The following NAALADL2 variants were observed in gnomAD, a reference collection of about 807,000 sequenced individuals.
NAALADL2 encodes the protein N-acetylated alpha-linked acidic dipeptidase like 2.
A neutral mutation model predicts 87.2 loss-of-function variants in NAALADL2; 76 were observed. That is an observed-to-expected ratio of 0.87 (90% confidence interval 0.72 to 1.05). The LOEUF (loss-of-function observed/expected upper bound fraction) is 1.05. Ranked by LOEUF, NAALADL2 falls within the 50% of genes least tolerant of loss-of-function variation. NAALADL2 has a pLI of 0.00. For synonymous variants in NAALADL2, 354 were observed against 331.0 expected, an observed-to-expected ratio of 1.07 and a Z score of -0.75; for missense variants, 1,089 against 945.8, an observed-to-expected ratio of 1.15 and a Z score of -1.99.
chr3:174,875,177 T>C (rs1233148526), intron 1 of NAALADL2, among the ~76,000 whole-genome samples: 2 of 146,902 alleles, frequency 1.4e-5, no homozygotes, highest in African/African-American at 5.0e-5. Context: ...TATAATTCAG[T>C]CATCCAATTT....
chr3:175,544,654 A>G (rs1315880287), intron 9 of NAALADL2, among the ~76,000 whole-genome samples: 4 of 152,058 alleles, frequency 2.6e-5, no homozygotes, highest in African/African-American at 9.7e-5. Flanking sequence ...GGATTTGGAT[A>G]TTTGCCTATT....
chr3:175,480,150 C>T (rs1256177852), intron 9 of NAALADL2, among the ~76,000 whole-genome samples: 2 of 151,584 alleles, frequency 1.3e-5, no homozygotes, highest in African/African-American at 2.4e-5. Flanking sequence ...TTCTAGGTGC[C>T]TCTGGTTTCT....
intron 1 of NAALADL2, among the ~76,000 whole-genome samples, chr3:175,024,055 C>G (rs1351932530): frequency 6.6e-6 from 1 of 151,956 alleles, no homozygotes; most frequent in South Asian, 2.1e-4. Flanking sequence ...TTAATTGGTA[C>G]ATCCTTCTAC....
At chr3:174,715,642 A>G (rs1399656666) in intron 2 of NAALADL2, among the ~76,000 whole-genome samples, 1 of 152,212 alleles carries the variant, frequency 6.6e-6, no homozygotes, top group African/African-American at 2.4e-5. Flanking sequence ...AATGCTGTTT[A>G]TAATTCAGGA....
At chr3:175,062,476 CTGTGTGTGTGTGTGTGTGTGTGTGTG>C (rs71792051) in intron 1 of NAALADL2, among the ~76,000 whole-genome samples, 20 of 131,484 alleles carry the variant, frequency 1.5e-4, no homozygotes, top group Non-Finnish European at 2.8e-4. Context: ...GGAAGTTTGG[CTGTGTGTGTGTGTGTGTGTGTGTGTG>C]TGTGTGTGTG....
chr3:174,899,623 G>A (rs55963347), intron 1 of NAALADL2, among the ~76,000 whole-genome samples: 15,392 of 152,072 alleles, frequency 0.1, 877 homozygotes, highest in African/African-American at 0.14. Flanking sequence ...TACTAGCATC[G>A]TGATTCCTGT....
intron 4 of NAALADL2, among the ~76,000 whole-genome samples, chr3:175,280,018 C>A (rs1754084702): frequency 7.2e-6 from 1 of 138,884 alleles, no homozygotes; most frequent in South Asian, 2.4e-4. Flanking sequence ...GTTGTCTTTT[C>A]CTTTCACTCC....
chr3:175,040,045 A>T (rs1308050777), intron 1 of NAALADL2, among the ~76,000 whole-genome samples: 1 of 152,194 alleles, frequency 6.6e-6, no homozygotes, highest in African/African-American at 2.4e-5. Flanking sequence ...ACACACACGC[A>T]TACACTCAAC....
rs1733261029 is a variant in NAALADL2 at position 175,667,235 on chromosome 3, GAAAGAAAAAGAAAGAAAGAAAGAAAGA to G, written c.1896+39852_1896+39878del. Among the ~76,000 whole-genome samples the G allele has an allele frequency of 7.6e-4, 86 of 112,638 alleles. 1 individual carries two copies. The highest frequency in any genetic ancestry group is 9.6e-3 in the Middle Eastern group (2 of 208). 73.9% of individuals were successfully genotyped at this position (112,638 alleles called of 152,430 possible). On this transcript the variant is annotated intron_variant, in intron 11 of 13. Coordinates refer to ENST00000454872, the MANE Select transcript of NAALADL2 (RefSeq NM_207015.3). ...AGAAAGAAAGAAAGAAAGAAAGAAA[GAAAGAAAAAGAAAGAAAGAAAGAAAGA>G]AAGGAAGGAAGGGATGGGGATCTGA...
rs1256205126 is a variant in NAALADL2, at chr3:174,477,368, C to T, written c.-184+36336C>T. On this transcript the variant is annotated intron_variant, in intron 1 of 3. Coordinates refer to the NAALADL2 transcript ENST00000434257. ...AGCATAAAACTGGATGGAATAAAAC[C>T]ACGTGGCAGAGGTAGGAAATGAAAA... Among the ~76,000 whole-genome samples the T allele has an allele frequency of 4.6e-5, 7 of 151,986 alleles. 1 individual carries two copies. In the East Asian group the frequency reaches 1.4e-3, roughly 29 times the overall value.
At chr3:175,301,454 A>G (rs896511133) in intron 4 of NAALADL2, among the ~76,000 whole-genome samples, 1 of 152,172 alleles carries the variant, frequency 6.6e-6, no homozygotes, top group Non-Finnish European at 1.5e-5. Context: ...TACTGCAAAA[A>G]CGCATGTAGC....
At chr3:175,695,873 G>A (rs917682664) in intron 11 of NAALADL2, among the ~76,000 whole-genome samples, 1 of 151,972 alleles carries the variant, frequency 6.6e-6, no homozygotes, top group African/African-American at 2.4e-5. Context: ...ATTAGCCTGG[G>A]CGTGCTTATT....
chr3:175,769,703 A>C (rs1380255920), intron 13 of NAALADL2, among the ~76,000 whole-genome samples: 1 of 150,710 alleles, frequency 6.6e-6, no homozygotes, highest in African/African-American at 2.5e-5. Context: ...GGACAATAGG[A>C]GATGGCATGT....
chr3:174,804,508 A>G (rs1184013665), intron 3 of NAALADL2, among the ~76,000 whole-genome samples: 1 of 152,130 alleles, frequency 6.6e-6, no homozygotes, highest in Admixed American at 6.5e-5. Context: ...GCTATGTTGA[A>G]TAGGAGTGGT....
intron 9 of NAALADL2, among the ~76,000 whole-genome samples, chr3:175,495,381 C>T (rs1273322407): frequency 6.6e-6 from 1 of 152,072 alleles, no homozygotes. Flanking sequence ...AGTCATTGTA[C>T]TATGTCCAAT....
At chr3:174,952,484 T>A (rs1740519879) in intron 1 of NAALADL2, among the ~76,000 whole-genome samples, 1 of 152,088 alleles carries the variant, frequency 6.6e-6, no homozygotes, top group South Asian at 2.1e-4. Context: ...GCCAGGGGTG[T>A]TTGGTCCTAA....
chr3:175,001,741 C>A (rs1444147309), intron 1 of NAALADL2, among the ~76,000 whole-genome samples: 2 of 152,066 alleles, frequency 1.3e-5, no homozygotes, highest in Non-Finnish European at 2.9e-5. Flanking sequence ...AGATGCTCAG[C>A]AATTTATTTT....
intron 2 of NAALADL2, among the ~76,000 whole-genome samples, chr3:175,144,560 T>G: frequency 6.6e-6 from 1 of 152,002 alleles, no homozygotes; most frequent in East Asian, 1.9e-4. Context: ...AATCCAGAGA[T>G]GGCCACTTTT....
At chr3:174,678,212 A>G (rs1179773315) in intron 2 of NAALADL2, among the ~76,000 whole-genome samples, 1 of 152,180 alleles carries the variant, frequency 6.6e-6, no homozygotes, top group Non-Finnish European at 1.5e-5. Context: ...TAAAAGTCAG[A>G]TTCCTGGAGA....
Sources: gnomAD v4.1 joint callset for allele counts (sites outside exome capture counted in the v4.1 genomes callset) on GRCh38, gnomAD v4.1.1 for gene constraint, MANE v1.5 for transcripts, NCBI Gene and HGNC (gene_info 2026-07-23, HGNC 2026-07-21) for gene names.